The following CRACR2A variants were observed in gnomAD, a reference collection of about 807,000 sequenced individuals.
CRACR2A encodes EF-hand calcium-binding domain-containing protein 4B.
In CRACR2A, 79 loss-of-function variants were observed where a neutral mutation model predicts 90.5. The observed-to-expected ratio is 0.87, with a 90% CI of 0.73 to 1.05. CRACR2A has a LOEUF of 1.05. CRACR2A is among the 50% of genes least tolerant of loss of function. CRACR2A has a pLI of 0.00. For synonymous variants in CRACR2A, 338 were observed against 356.7 expected (o/e 0.95, Z 0.59); for missense variants, 823 against 897.2 (o/e 0.92, Z 1.06).
At position 3,699,039 on chromosome 12, in the gene CRACR2A, T is replaced by G. The variant is rs1339625856; in HGVS notation, c.-36-2004A>C. Among the ~76,000 whole-genome samples the G allele has an allele frequency of 2.0e-5, 3 of 152,180 alleles. No individual in the cohort carries two copies. The East Asian group carries it at 5.8e-4, about 29-fold the overall frequency. Reference sequence around the variant, plus strand: ...TCTCTTGCCAGGCCCCTAGCATACTTCATCTTATTGAACCTGACATCCTCC... The same window carrying G: ...TCTCTTGCCAGGCCCCTAGCATACTGCATCTTATTGAACCTGACATCCTCC... On this transcript the variant is annotated intron_variant, in intron 3 of 19. Transcript: ENST00000440314.
At chr12:3,704,293 C>A (rs545254155) in intron 3 of CRACR2A, among the ~76,000 whole-genome samples, 1 of 151,990 alleles carries the variant, frequency 6.6e-6, no homozygotes, top group Non-Finnish European at 1.5e-5. Flanking sequence ...AGAAGCCAGA[C>A]AAGAAAGGCA....
chr12:3,666,364 T>TGCGCGCGC (rs1555112150), intron 7 of CRACR2A, among the ~76,000 whole-genome samples: 3 of 149,498 alleles, frequency 2.0e-5, no homozygotes, highest in African/African-American at 7.5e-5. Context: ...TGCGTGCGTG[T>TGCGCGCGC]GCGCGTGCGC....
intron 10 of CRACR2A, among the ~76,000 whole-genome samples, chr12:3,653,160 T>C (rs2137454978): frequency 6.6e-6 from 1 of 152,164 alleles, no homozygotes; most frequent in African/African-American, 2.4e-5. Context: ...TTTTTGTATT[T>C]TTAGTAGAGA....
intron 4 of CRACR2A, among the ~76,000 whole-genome samples, chr12:3,685,051 A>C (rs369202516): frequency 4.3e-4 from 66 of 152,082 alleles, no homozygotes; most frequent in African/African-American, 1.5e-3. Flanking sequence ...CTGCTCATCC[A>C]CTCATTCCCT....
chr12:3,724,879 C>T (rs1180559754), intron 2 of CRACR2A, among the ~76,000 whole-genome samples: 2 of 152,124 alleles, frequency 1.3e-5, no homozygotes, highest in Non-Finnish European at 2.9e-5. Context: ...AGTGTGAACT[C>T]GCTTCCTGGG....
chr12:3,639,834 TA>T (rs1057355918), intron 13 of CRACR2A, among the ~76,000 whole-genome samples: 2 of 152,188 alleles, frequency 1.3e-5, no homozygotes, highest in African/African-American at 4.8e-5. Flanking sequence ...AAAACAGTTT[TA>T]AAAAAGCCAA....
intron 7 of CRACR2A, chr12:3,672,706 C>A: frequency 1.0e-6 from 1 of 969,184 alleles, no homozygotes. Context: ...GTCTAGTGGG[C>A]TTGCCCCAGT....
intron 3 of CRACR2A, among the ~76,000 whole-genome samples, chr12:3,702,505 AAC>A (rs1274862091): frequency 1.4e-5 from 2 of 144,178 alleles, no homozygotes; most frequent in Non-Finnish European, 1.6e-5. Context: ...TATCTATACT[AAC>A]AAAAAAAAAT....
chr12:3,676,273 C>G (rs1237966336), intron 6 of CRACR2A, among the ~76,000 whole-genome samples: 1 of 152,166 alleles, frequency 6.6e-6, no homozygotes, highest in African/African-American at 2.4e-5. Flanking sequence ...TTCCTCCCAG[C>G]CCCACAACAC....
intron 7 of CRACR2A, among the ~76,000 whole-genome samples, chr12:3,670,218 C>T (rs146172930): frequency 4.3e-4 from 66 of 152,260 alleles, no homozygotes; most frequent in African/African-American, 1.3e-3. Flanking sequence ...ATGCAGCAGT[C>T]GTGACTTGAG....
chr12:3,621,107 TAG>T (rs766795604), intron 17 of CRACR2A, among the ~76,000 whole-genome samples: 22 of 152,270 alleles, frequency 1.4e-4, no homozygotes, highest in Non-Finnish European at 2.8e-4. Context: ...GAGATATTTG[TAG>T]ATTTATGTGT....
intron 2 of CRACR2A, among the ~76,000 whole-genome samples, chr12:3,714,100 G>A (rs1183151766): frequency 6.6e-6 from 1 of 152,196 alleles, no homozygotes; most frequent in Non-Finnish European, 1.5e-5. Context: ...TGGCCTCTGT[G>A]CCTCTCATAT....
At chr12:3,632,266 T>C (rs553186466) in intron 15 of CRACR2A, among the ~76,000 whole-genome samples, 1 of 152,336 alleles carries the variant, frequency 6.6e-6, no homozygotes, top group East Asian at 1.9e-4. Flanking sequence ...CTGTACAGCC[T>C]GCAGAACCAT....
chr12:3,632,681 T>C (rs1288678747), intron 15 of CRACR2A, among the ~76,000 whole-genome samples: 1 of 152,162 alleles, frequency 6.6e-6, no homozygotes, highest in Non-Finnish European at 1.5e-5. Flanking sequence ...GCCTCTAACC[T>C]CTCTGGACCT....
intron 4 of CRACR2A, among the ~76,000 whole-genome samples, chr12:3,693,459 G>C: frequency 6.6e-6 from 1 of 152,216 alleles, no homozygotes. Context: ...AGTCTCCTGT[G>C]GGAGTAAGTC....
At chr12:3,680,127 G>A (rs918895982) in intron 5 of CRACR2A, 111 bp downstream of exon 5, 3 of 802,028 alleles carry the variant, frequency 3.7e-6, no homozygotes, top group African/African-American at 1.7e-5. Flanking sequence ...TGAAAGGAGG[G>A]CAGGAAAGCT....
intron 3 of CRACR2A, among the ~76,000 whole-genome samples, chr12:3,713,033 T>G (rs1242200270): frequency 6.6e-6 from 1 of 151,994 alleles, no homozygotes; most frequent in African/African-American, 2.4e-5. Context: ...CAAGGTGGAA[T>G]AGACCCTCCA....
intron 16 of CRACR2A, 35 bp from the exon 17 acceptor site, chr12:3,627,585 G>T (rs1182001114): frequency 6.4e-7 from 1 of 1,551,314 alleles, no homozygotes; most frequent in Non-Finnish European, 8.7e-7. Context: ...GGCATGCACG[G>T]CCTTCCCTCT....
At chr12:3,673,824 C>T (rs1945295084) in intron 6 of CRACR2A, among the ~76,000 whole-genome samples, 1 of 152,234 alleles carries the variant, frequency 6.6e-6, no homozygotes, top group South Asian at 2.1e-4. Flanking sequence ...ACCCCATTTA[C>T]AGATGACGAA....
Sources: gnomAD v4.1 joint callset for allele counts (sites outside exome capture counted in the v4.1 genomes callset) on GRCh38, gnomAD v4.1.1 for gene constraint, MANE v1.5 for transcripts, NCBI Gene and HGNC (gene_info 2026-07-23, HGNC 2026-07-21) for gene names.